The following SLC20A2 variants were observed in gnomAD, a reference collection of about 807,000 sequenced individuals.
SLC20A2 encodes the protein solute carrier family 20 member 2, also known as sodium-dependent phosphate transporter 2.
SLC20A2 carries 30 observed loss-of-function variants against 61.0 expected under a neutral mutation model. The observed-to-expected ratio is 0.49, with a 90% CI of 0.37 to 0.67. The LOEUF is 0.67. SLC20A2 is among the 30% of genes least tolerant of loss of function. The probability of loss-of-function intolerance (pLI) is 0.00; values close to 1 mark genes in which losing one functional copy is unlikely to be tolerated. For missense variants in SLC20A2, 626 were observed against 866.4 expected (o/e 0.72, Z 3.48); for synonymous variants, 351 against 353.3 (o/e 0.99, Z 0.07).
At chr8:42,425,293 T>C (rs1384138242) in intron 10 of SLC20A2, among the ~76,000 whole-genome samples, 1 of 152,166 alleles carries the variant, frequency 6.6e-6, no homozygotes, top group Non-Finnish European at 1.5e-5. Context: ...TATGTGGACA[T>C]CAATACCCTT....
intron 1 of SLC20A2, among the ~76,000 whole-genome samples, chr8:42,511,355 G>A (rs1340361231): frequency 1.3e-5 from 2 of 152,094 alleles, no homozygotes; most frequent in Non-Finnish European, 2.9e-5. Flanking sequence ...TTGGCCAGGC[G>A]CAGTGGCTCA....
In SLC20A2 at chr8:42,476,084, C is replaced by CT. The variant is rs11350697; in HGVS notation, c.-264-3431dup. The stretch of plus-strand genomic sequence containing the variant: ...GGTGAAGTAGCCGGGTTTACTGTGT[C>CT]TTTTTTTTTTTTTTTTTTTTTTTTT... On this transcript the variant is annotated intron_variant, in intron 1 of 10. Coordinates refer to ENST00000520262, the MANE Select transcript of SLC20A2 (RefSeq NM_001257180.2). Among the ~76,000 whole-genome samples the CT allele has an allele frequency of 7.0e-3, 295 of 42,096 alleles. 78 individuals are homozygous for CT. The highest frequency in any genetic ancestry group is 0.011 in the Non-Finnish European group (249 of 22,218). 27.6% of individuals were successfully genotyped at this position (42,096 alleles called of 152,430 possible).
chr8:42,534,377 C>T (rs542948089), intron 1 of SLC20A2, among the ~76,000 whole-genome samples: 39 of 152,200 alleles, frequency 2.6e-4, no homozygotes, highest in African/African-American at 9.4e-4. Context: ...GGTTAAGAGA[C>T]CTCATACATT....
chr8:42,476,082 GTCTTTTTT>G (rs1808066599), intron 1 of SLC20A2, among the ~76,000 whole-genome samples: 1 of 112,902 alleles, frequency 8.9e-6, no homozygotes, highest in Non-Finnish European at 1.8e-5. Context: ...GGTTTACTGT[GTCTTTTTT>G]TTTTTTTTTT....
intron 1 of SLC20A2, among the ~76,000 whole-genome samples, chr8:42,532,662 A>T (rs191645588): frequency 6.6e-6 from 1 of 152,208 alleles, no homozygotes. Flanking sequence ...ATAGAAAAAG[A>T]GCTCAAGGAC....
intron 4 of SLC20A2, 58 bp downstream of exon 4, chr8:42,462,947 A>T: frequency 9.7e-7 from 1 of 1,030,128 alleles, no homozygotes; most frequent in Non-Finnish European, 1.5e-6. Flanking sequence ...ATTAATTTCT[A>T]CTGAGTAGAG....
chr8:42,531,594 A>C (rs1812323454), intron 1 of SLC20A2, among the ~76,000 whole-genome samples: 1 of 152,158 alleles, frequency 6.6e-6, no homozygotes, highest in Non-Finnish European at 1.5e-5. Context: ...GCATAATACA[A>C]AGTTTTGCCA....
intron 1 of SLC20A2, among the ~76,000 whole-genome samples, chr8:42,520,324 C>A (rs72643241): frequency 0.15 from 22,468 of 151,398 alleles, 1,868 homozygotes; most frequent in South Asian, 0.23. Flanking sequence ...TCTTTATGCC[C>A]ATCTTTATAA....
chr8:42,448,720 C>T (rs1453733006), intron 5 of SLC20A2, among the ~76,000 whole-genome samples: 1 of 152,088 alleles, frequency 6.6e-6, no homozygotes, highest in African/African-American at 2.4e-5. Context: ...GACAGGGTAA[C>T]ACGTCACGGA....
chr8:42,439,028 T>C (rs1804557673), intron 7 of SLC20A2, among the ~76,000 whole-genome samples: 1 of 152,170 alleles, frequency 6.6e-6, no homozygotes. Flanking sequence ...GTCTGGACAT[T>C]TTCTAAGGTT....
intron 5 of SLC20A2, among the ~76,000 whole-genome samples, chr8:42,445,241 G>A (rs1262680259): frequency 2.0e-5 from 3 of 152,038 alleles, no homozygotes; most frequent in Admixed American, 6.5e-5. Flanking sequence ...GCAGTGAGCC[G>A]AGATTGCACC....
At chr8:42,443,104 T>C (rs1419711479) in intron 6 of SLC20A2, among the ~76,000 whole-genome samples, 1 of 150,278 alleles carries the variant, frequency 6.7e-6, no homozygotes, top group African/African-American at 2.4e-5. Flanking sequence ...CGTTTTATTA[T>C]ATATGTTATA....
intron 1 of SLC20A2, among the ~76,000 whole-genome samples, chr8:42,533,700 C>T (rs146988332): frequency 0.14 from 10,524 of 72,914 alleles, 1,000 homozygotes; most frequent in African/African-American, 0.34. Context: ...TACTCTGTCG[C>T]CCAGGCTGGA....
In SLC20A2 at chr8:42,448,749, G is replaced by GA. The variant is rs202180786; in HGVS notation, c.614-3988dup. ...TCACGGAGGAGGAAGAAGAGAGAAGGAATCTGGGAAAACAGGGGAAGCTGT... is the reference window on the plus strand; with the variant it reads ...TCACGGAGGAGGAAGAAGAGAGAAGGAAATCTGGGAAAACAGGGGAAGCTGT... On this transcript the variant is annotated intron_variant, in intron 5 of 10. Coordinates refer to ENST00000520262, the MANE Select transcript of SLC20A2 (RefSeq NM_001257180.2). Among the ~76,000 whole-genome samples the GA allele has an allele frequency of 5.8e-4, 88 of 151,802 alleles. No homozygotes were observed. In the East Asian group the frequency reaches 0.016, roughly 28 times the overall value.
At position 42,528,701 on chromosome 8, in the gene SLC20A2, T is replaced by C. The variant is rs551763421; in HGVS notation, c.-265+13120A>G. 2.0e-5 allele frequency among the ~76,000 whole-genome samples: 3 copies of C among 152,048 alleles called. No homozygotes were observed. The East Asian group carries it at 5.8e-4, about 30-fold the overall frequency. ...AATTTTTTTTGAGATGGAGTTTCGCTCATTGCCCAGGCTGGAGTGCAGTGG... is the reference window on the plus strand; with the variant it reads ...AATTTTTTTTGAGATGGAGTTTCGCCCATTGCCCAGGCTGGAGTGCAGTGG... On this transcript the variant is annotated intron_variant, in intron 1 of 10. Coordinates refer to the SLC20A2 transcript ENST00000342228.
At chr8:42,538,146 T>C (rs570417011) in intron 1 of SLC20A2, 4 of 151,832 alleles carry the variant, frequency 2.6e-5, no homozygotes, top group South Asian at 2.1e-4. Flanking sequence ...ACCTACCATT[T>C]TGAGTATCTT....
chr8:42,459,348 A>T (rs1426028215), intron 5 of SLC20A2, among the ~76,000 whole-genome samples: 2 of 152,194 alleles, frequency 1.3e-5, no homozygotes, highest in African/African-American at 4.8e-5. Context: ...TATCTAAAAA[A>T]ACAAAGCATG....
chr8:42,463,324 C>A, intron 3 of SLC20A2: 1 of 346,090 alleles, frequency 2.9e-6, no homozygotes, highest in South Asian at 6.7e-5. Flanking sequence ...ACCACACTGC[C>A]AATGCAGGGT....
intron 1 of SLC20A2, among the ~76,000 whole-genome samples, chr8:42,494,067 G>C (rs10958717): frequency 0.33 from 50,589 of 152,026 alleles, 9,262 homozygotes; most frequent in Non-Finnish European, 0.41. Context: ...CGCTCAAGCT[G>C]GGGGAGTCAA....
Sources: allele counts gnomAD v4.1 joint callset (sites outside exome capture counted in the v4.1 genomes callset), GRCh38; gene constraint gnomAD v4.1.1; transcripts MANE v1.5; gene names NCBI Gene and HGNC (gene_info 2026-07-23, HGNC 2026-07-21).